The following WDHD1 variants were observed in gnomAD, a reference collection of about 807,000 sequenced individuals.
WDHD1 encodes WD repeat and HMG-box DNA binding protein 1, also known as WD repeat and HMG-box DNA-binding protein 1.
WDHD1 carries 111 observed loss-of-function variants against 135.4 expected under a neutral mutation model. The observed-to-expected ratio is 0.82, with a 90% CI of 0.70 to 0.96. The LOEUF is 0.96. WDHD1 is among the 40% of genes least tolerant of loss of function. The probability of loss-of-function intolerance (pLI) is 0.00; values close to 1 mark genes in which losing one functional copy is unlikely to be tolerated. For missense variants in WDHD1, 1,351 were observed against 1,336.3 expected, an observed-to-expected ratio of 1.01 and a Z score of -0.17; for synonymous variants, 434 against 439.0, an observed-to-expected ratio of 0.99 and a Z score of 0.14.
intron 22 of WDHD1, 122 bp downstream of exon 22, chr14:54,957,470 G>T: frequency 1.0e-6 from 1 of 966,114 alleles, no homozygotes; most frequent in Non-Finnish European, 1.5e-6. Flanking sequence ...GCTTTCTTCT[G>T]TTTCCACACA....
At chr14:55,018,978 GTGCCAT>G (rs1247163377) in intron 2 of WDHD1, among the ~76,000 whole-genome samples, 12 of 152,166 alleles carry the variant, frequency 7.9e-5, no homozygotes, top group Admixed American at 1.3e-4. Context: ...GGCCGAGATG[GTGCCAT>G]TGCACTCCAG....
chr14:54,977,207 A>G (rs2041539642), intron 16 of WDHD1, among the ~76,000 whole-genome samples: 1 of 152,204 alleles, frequency 6.6e-6, no homozygotes. Flanking sequence ...AGAGACAGCA[A>G]ATAGACCAAA....
At position 54,995,619 on chromosome 14, in the gene WDHD1, A is replaced by G. The variant is rs1452028403; in HGVS notation, c.1137T>C (p.Asp379=). 5.6e-6 allele frequency: 9 copies of G among 1,593,442 alleles called. No individual in the cohort carries two copies. Among genetic ancestry groups the G allele is most frequent in the Non-Finnish European group, 7.7e-6 (9 of 1,171,470 alleles). The stretch of plus-strand genomic sequence containing the variant: ...AATTCTTACCAACTGAGTTTTCATC[A>G]TCTTCTAGGATGTGACTTCGCTGTC... ...RPRQRSHILE[D]DENSVDISML... is the part of the protein sequence containing the mutation. The change falls in exon 11 of 26, where the codon GAT becomes GAC. Residue 379 remains aspartate (D), a synonymous_variant. Coordinates refer to ENST00000360586, the MANE Select transcript of WDHD1 (RefSeq NM_007086.4).
intron 5 of WDHD1, 31 bp from the exon 6 acceptor site, chr14:55,008,397 G>A (rs2042108863): frequency 6.2e-7 from 1 of 1,605,420 alleles, no homozygotes; most frequent in African/African-American, 1.3e-5. Context: ...TTTCTCTATA[G>A]TCATAGCCAT....
intron 16 of WDHD1, among the ~76,000 whole-genome samples, chr14:54,970,575 C>T (rs2041414773): frequency 6.7e-6 from 1 of 149,940 alleles, no homozygotes; most frequent in South Asian, 2.1e-4. Context: ...TTAAAATGAC[C>T]ATACTGTGTC....
chr14:54,991,202 C>CTCGGTGGTCG lies in WDHD1; in HGVS notation c.1341+10_1341+11insCGACCACCGA. On this transcript the variant is annotated intron_variant, in intron 12 of 25. Coordinates refer to ENST00000360586, the MANE Select transcript of WDHD1 (RefSeq NM_007086.4). ...ACCTACTAAGAAGTTAAGTGTAGATCCAAGTCTTACCATGAATCTGTGAGT... is the reference window on the plus strand; with the variant it reads ...ACCTACTAAGAAGTTAAGTGTAGATCTCGGTGGTCGCAAGTCTTACCATGAATCTGTGAGT... 3 of 1,487,070 alleles carry CTCGGTGGTCG rather than the reference C, an allele frequency of 2.0e-6. No homozygotes were observed. The highest frequency in any genetic ancestry group is 2.8e-6 in the Non-Finnish European group (3 of 1,068,472). 92.1% of individuals were successfully genotyped at this position (1,487,070 alleles called of 1,614,324 possible). A position where few individuals can be genotyped will look rare whatever the true frequency, so the allele number is the denominator to read the frequency against.
chr14:54,996,710 A>G (rs1355269248), intron 10 of WDHD1, among the ~76,000 whole-genome samples: 2 of 138,224 alleles, frequency 1.4e-5, no homozygotes, highest in African/African-American at 3.0e-5. Flanking sequence ...TGTTAAGCCA[A>G]TGGAAATTTA....
chr14:55,010,885 C>T (rs917499237), intron 3 of WDHD1, among the ~76,000 whole-genome samples: 2 of 152,238 alleles, frequency 1.3e-5, no homozygotes, highest in African/African-American at 2.4e-5. Flanking sequence ...CATCACATGT[C>T]TTTTTAGAGT....
chr14:54,982,552 T>A (rs1031100823), intron 15 of WDHD1, among the ~76,000 whole-genome samples: 3 of 152,136 alleles, frequency 2.0e-5, no homozygotes, highest in African/African-American at 7.2e-5. Context: ...CCTATTCTGC[T>A]TCCAACTCAG....
At chr14:54,942,138 C>G (rs1054779844) in intron 25 of WDHD1, among the ~76,000 whole-genome samples, 4 of 151,968 alleles carry the variant, frequency 2.6e-5, no homozygotes, top group African/African-American at 9.7e-5. Flanking sequence ...GTAGTCCCAG[C>G]TACTTGGGAG....
rs1280085254 is a variant in WDHD1 at position 54,941,235 on chromosome 14, T to C, written c.*255A>G. 4.7e-5 allele frequency: 14 copies of C among 297,436 alleles called. No individual in the cohort carries two copies. Among genetic ancestry groups the C allele is most frequent in the Non-Finnish European group, 8.6e-5 (14 of 163,570 alleles). 18.4% of individuals were successfully genotyped at this position (297,436 alleles called of 1,614,324 possible). ...AAACAAATTCAAATTGGTTGGAGCT[T>C]CAACTCAGTAATTACAATCACAATG... On this transcript the variant is annotated 3_prime_UTR_variant, in exon 26 of 26. Coordinates refer to ENST00000360586, the MANE Select transcript of WDHD1 (RefSeq NM_007086.4).
At position 54,987,357 on chromosome 14, in the gene WDHD1, C is replaced by T. The variant is rs1209555025; in HGVS notation, c.1557G>A (p.Trp519Ter). ...CTATTATCCACTCTTTGCTTGAATCCCAAGAACTAAAGTGCAGGCAGTGAA... is the reference window on the plus strand; with the variant it reads ...CTATTATCCACTCTTTGCTTGAATCTCAAGAACTAAAGTGCAGGCAGTGAA... ...SKLHCLHFSS[W>*]DSSKEWIIDL... Residue 519 changes from tryptophan to a stop codon, truncating the protein, a stop_gained, in exon 14 of 26, where the codon TGG (tryptophan) becomes TGA (stop). Transcript: ENST00000360586. LOFTEE classifies it high-confidence loss of function. The T allele has an allele frequency of 6.2e-7, 1 of 1,613,220 alleles. No individual in the cohort carries two copies. The highest frequency in any genetic ancestry group is 1.7e-5 in the Admixed American group (1 of 59,896).
chr14:54,949,192 T>A (rs899159798), intron 24 of WDHD1, among the ~76,000 whole-genome samples: 1 of 151,966 alleles, frequency 6.6e-6, no homozygotes. Context: ...CTTCAGACGA[T>A]CAAACCTCTC....
chr14:55,025,821 A>G (rs1030442934), intron 2 of WDHD1, among the ~76,000 whole-genome samples: 1 of 152,066 alleles, frequency 6.6e-6, no homozygotes, highest in African/African-American at 2.4e-5. Flanking sequence ...GCCTTTACAC[A>G]CAGTATTGCC....
intron 11 of WDHD1, among the ~76,000 whole-genome samples, chr14:54,992,163 C>T (rs2041803483): frequency 6.6e-6 from 1 of 151,272 alleles, no homozygotes; most frequent in South Asian, 2.1e-4. Flanking sequence ...GAGGCTGAGA[C>T]AGGAGAATCG....
At chr14:54,983,935 G>T (rs1404472392) in intron 15 of WDHD1, among the ~76,000 whole-genome samples, 2 of 152,002 alleles carry the variant, frequency 1.3e-5, no homozygotes, top group African/African-American at 4.8e-5. Flanking sequence ...TAAAAAAATT[G>T]ATTTTTATAT....
chr14:55,008,702 A>G lies in WDHD1; in HGVS notation c.359T>C (p.Ile120Thr), dbSNP rs1463727233. The change falls in exon 5 of 26, where the codon ATT (isoleucine) becomes ACT (threonine). Residue 120 changes from isoleucine (I) to threonine (T), a missense_variant. Ile to Thr is a moderately conservative substitution (Grantham distance 89). This residue lies in a region of WDHD1 where 1,330 missense variants were observed against 1,296.1 expected (regional missense o/e 1.03). Transcript: ENST00000360586. ...AAGSSDFLVK[I>T]VDVMDSSQQK... is the part of the protein sequence containing the mutation. ...TTGGCTGCTATCCATCACATCCACA[A>G]TTTTGACTAGAAAATCACTAAGAAC... 1 of 1,611,332 alleles carries G rather than the reference A, an allele frequency of 6.2e-7. No homozygotes were observed. Among genetic ancestry groups the G allele is most frequent in the Non-Finnish European group, 8.5e-7 (1 of 1,179,280 alleles).
intron 2 of WDHD1, among the ~76,000 whole-genome samples, chr14:55,017,935 T>G (rs2042286769): frequency 6.6e-6 from 1 of 151,788 alleles, no homozygotes; most frequent in Non-Finnish European, 1.5e-5. Flanking sequence ...CCACCTCAGC[T>G]GCACACAAAT....
At chr14:55,014,900 G>C (rs972777661) in intron 2 of WDHD1, among the ~76,000 whole-genome samples, 16 of 151,912 alleles carry the variant, frequency 1.1e-4, no homozygotes, top group Admixed American at 8.5e-4. Context: ...GGCAGTTCCA[G>C]AGAAAACCAC....
Sources: allele counts gnomAD v4.1 joint callset (sites outside exome capture counted in the v4.1 genomes callset), GRCh38; gene constraint gnomAD v4.1.1; regional missense constraint gnomAD v4.1.1; transcripts MANE v1.5; gene names NCBI Gene and HGNC (gene_info 2026-07-23, HGNC 2026-07-21).